Variants in TMPRSS7 observed in about 807,000 individuals in gnomAD.
TMPRSS7 encodes the protein transmembrane serine protease 7.
Under a neutral mutation model 95.6 loss-of-function variants are expected in TMPRSS7, and 81 were observed. The ratio of observed to expected loss-of-function variants is 0.85; its 90% CI spans 0.71 to 1.02. TMPRSS7 has a LOEUF of 1.02. Among genes scored for constraint, TMPRSS7 ranks in the 50% least tolerant of loss-of-function variants. The probability of loss-of-function intolerance (pLI) is 0.00; values close to 1 mark genes in which losing one functional copy is unlikely to be tolerated. For missense variants in TMPRSS7, 945 were observed against 955.2 expected, an observed-to-expected ratio of 0.99 and a Z score of 0.14; for synonymous variants, 364 against 337.8, an observed-to-expected ratio of 1.08 and a Z score of -0.85.
Position 112,049,976 on chromosome 3 carries a change from T to C in TMPRSS7, c.1090+2T>C. The C allele has an allele frequency of 6.5e-7, 1 of 1,543,532 alleles. No homozygotes were observed. The highest frequency in any genetic ancestry group is 8.8e-7 in the Non-Finnish European group (1 of 1,136,114). On this transcript the variant is annotated splice_donor_variant, in intron 8 of 17. Transcript: ENST00000452346. LOFTEE classifies it high-confidence loss of function. The stretch of plus-strand genomic sequence containing the variant: ...ATTTTGAGGTCATTCCAGAACAAAG[T>C]AAGTCTTCCCCAATTATGGAGAAGT...
intron 9 of TMPRSS7, among the ~76,000 whole-genome samples, chr3:112,055,157 G>GC (rs1372658033): frequency 6.6e-6 from 1 of 152,090 alleles, no homozygotes; most frequent in Non-Finnish European, 1.5e-5. Context: ...TTCCGATTGA[G>GC]CCCCCCATGT....
Position 112,044,336 on chromosome 3 carries a change from C to G in TMPRSS7, c.497+14C>G, listed in dbSNP as rs150219803. 36,343 of 1,547,224 alleles carry G rather than the reference C, an allele frequency of 0.023. 557 individuals carry two copies. Among genetic ancestry groups the G allele is most frequent in the Middle Eastern group, 0.03 (178 of 5,978 alleles). On this transcript the variant is annotated intron_variant, in intron 4 of 17. Transcript: ENST00000452346. Reference sequence around the variant, plus strand: ...TGCAGATGTCAGGTAATGCATGTCCCTTGTTTTGAGATTTCTGTGTTCATT... The same window carrying G: ...TGCAGATGTCAGGTAATGCATGTCCGTTGTTTTGAGATTTCTGTGTTCATT...
At chr3:112,079,687 T>C (rs1392721296) in intron 17 of TMPRSS7, among the ~76,000 whole-genome samples, 1 of 152,194 alleles carries the variant, frequency 6.6e-6, no homozygotes, top group African/African-American at 2.4e-5. Flanking sequence ...TTCTTTCATC[T>C]TTCCACAAGC....
At chr3:112,049,553 G>A (rs2073319292) in intron 7 of TMPRSS7, among the ~76,000 whole-genome samples, 1 of 152,198 alleles carries the variant, frequency 6.6e-6, no homozygotes, top group South Asian at 2.1e-4. Flanking sequence ...CAGGACCTTA[G>A]CCATTAGATA....
intron 3 of TMPRSS7, among the ~76,000 whole-genome samples, chr3:112,042,297 T>A (rs925005991): frequency 5.3e-5 from 8 of 152,206 alleles, no homozygotes; most frequent in African/African-American, 1.9e-4. Flanking sequence ...TCAGTTCTTC[T>A]GAACCGTAAA....
chr3:112,052,622 G>A (rs2073377645), intron 9 of TMPRSS7, among the ~76,000 whole-genome samples: 1 of 152,128 alleles, frequency 6.6e-6, no homozygotes, highest in Non-Finnish European at 1.5e-5. Context: ...AGGAAAAGAG[G>A]AGATGAAAGA....
intron 4 of TMPRSS7, among the ~76,000 whole-genome samples, chr3:112,044,676 G>C (rs2107738713): frequency 6.6e-6 from 1 of 152,208 alleles, no homozygotes; most frequent in South Asian, 2.1e-4. Context: ...GGTCACTAGA[G>C]ATCTTCTGAG....
chr3:112,055,892 G>C (rs1210807079), intron 9 of TMPRSS7, among the ~76,000 whole-genome samples: 1 of 152,182 alleles, frequency 6.6e-6, no homozygotes, highest in African/African-American at 2.4e-5. Flanking sequence ...GAAATACAAA[G>C]AGAGAAGTGG....
intron 9 of TMPRSS7, among the ~76,000 whole-genome samples, chr3:112,055,446 CT>C (rs1203245979): frequency 2.6e-5 from 3 of 116,100 alleles, no homozygotes; most frequent in Non-Finnish European, 3.8e-5. Context: ...CAAGCAAACA[CT>C]TGCGCAGACA....
At chr3:112,058,892 T>A (rs2073466533) in intron 10 of TMPRSS7, among the ~76,000 whole-genome samples, 1 of 152,226 alleles carries the variant, frequency 6.6e-6, no homozygotes, top group Non-Finnish European at 1.5e-5. Context: ...TGAAATCCTA[T>A]CAGATTCATT....
At chr3:112,037,470 A>G (rs1218176465) in intron 1 of TMPRSS7, among the ~76,000 whole-genome samples, 2 of 152,210 alleles carry the variant, frequency 1.3e-5, no homozygotes, top group African/African-American at 4.8e-5. Context: ...TAAGATGTTT[A>G]TCAATGACAA....
intron 7 of TMPRSS7, among the ~76,000 whole-genome samples, chr3:112,049,108 G>T (rs772798421): frequency 1.6e-4 from 25 of 152,186 alleles, no homozygotes; most frequent in Non-Finnish European, 3.2e-4. Context: ...TTGGCTGGGG[G>T]TCAAGCCCGG....
In TMPRSS7 at chr3:112,075,428, T is replaced by C. The variant is rs1576123440; in HGVS notation, c.1891T>C (p.Cys631Arg). The change falls in exon 15 of 18, where the codon TGT becomes CGT. Residue 631 changes from cysteine (C) to arginine (R), a missense_variant. By Grantham distance (180) the Cys-to-Arg change is radical. Transcript: ENST00000452346. ...CCTCCACTTTGTTGGATCTGCCTAC[T>C]GTGGTGCCTCAGTCATCTCCAGGGA... 4 of 1,553,742 alleles carry C rather than the reference T, an allele frequency of 2.6e-6. No individual in the cohort carries two copies. In the East Asian group the frequency reaches 1.0e-4, roughly 39 times the overall value.
intron 10 of TMPRSS7, among the ~76,000 whole-genome samples, chr3:112,059,682 G>A (rs916951152): frequency 6.6e-6 from 1 of 152,214 alleles, no homozygotes; most frequent in African/African-American, 2.4e-5. Flanking sequence ...TTAGCCAGAA[G>A]GACATCTGCA....
intron 9 of TMPRSS7, among the ~76,000 whole-genome samples, chr3:112,051,665 TATC>T (rs747494170): frequency 2.1e-3 from 192 of 93,140 alleles, no homozygotes; most frequent in African/African-American, 5.8e-3. Flanking sequence ...TCTATCTATC[TATC>T]ATCTATCTAT....
At chr3:112,054,873 G>T (rs543848365) in intron 9 of TMPRSS7, among the ~76,000 whole-genome samples, 58 of 151,264 alleles carry the variant, frequency 3.8e-4, no homozygotes, top group Admixed American at 3.6e-3. Flanking sequence ...CCGAGTAGGT[G>T]GGACTACAGG....
At chr3:112,063,579 A>T (rs1576114783) in exon 12 of TMPRSS7, 2 of 1,614,104 alleles carry the variant, frequency 1.2e-6, no homozygotes, top group Middle Eastern at 3.3e-4. Flanking sequence ...CCTCAGGCCC[A>T]GCGTTGTGAT....
chr3:112,052,783 T>A (rs1244601486), intron 9 of TMPRSS7, among the ~76,000 whole-genome samples: 7 of 152,192 alleles, frequency 4.6e-5, no homozygotes, highest in Non-Finnish European at 7.4e-5. Context: ...TCCTTTGAGA[T>A]AAAATAAAGG....
exon 3 of TMPRSS7, chr3:112,041,924 A>G (rs774774): frequency 0.91 from 1,410,596 of 1,542,902 alleles, 647,441 homozygotes; most frequent in Non-Finnish European, 0.93. Context: ...TTACAGGTAA[A>G]ACAGAAAGCA....
Sources: allele counts gnomAD v4.1 joint callset (sites outside exome capture counted in the v4.1 genomes callset), GRCh38; gene constraint gnomAD v4.1.1; transcripts MANE v1.5; gene names NCBI Gene and HGNC (gene_info 2026-07-23, HGNC 2026-07-21).